The following CIB3 variants were observed in gnomAD, a reference collection of about 807,000 sequenced individuals.
CIB3 encodes calcium and integrin binding family member 3, also known as calcium and integrin-binding family member 3.
CIB3 carries 22 observed loss-of-function variants against 23.4 expected under a neutral mutation model. The ratio of observed to expected loss-of-function variants is 0.94; its 90% confidence interval spans 0.67 to 1.34. CIB3 has a LOEUF of 1.34. Ranked by LOEUF, CIB3 falls within the 40% of genes most tolerant of loss-of-function variation. The pLI, the probability that CIB3 is intolerant of heterozygous loss-of-function variation, is 0.00. For synonymous variants in CIB3, 93 were observed against 95.8 expected (o/e 0.97, Z 0.17); for missense variants, 258 against 247.3 (o/e 1.04, Z -0.29).
At chr19:16,169,560 ACC>A (rs1227936901) in intron 3 of CIB3, 68 bp downstream of exon 3, 2 of 1,350,934 alleles carry the variant, frequency 1.5e-6, no homozygotes, top group African/African-American at 2.9e-5. Flanking sequence ...TGCAGCACTG[ACC>A]TCAGAGGAAT....
chr19:16,167,428 AG>A, intron 4 of CIB3, among the ~76,000 whole-genome samples: 1 of 152,196 alleles, frequency 6.6e-6, no homozygotes, highest in Non-Finnish European at 1.5e-5. Context: ...GAACAGGTCA[AG>A]GAACAAGAAA....
chr19:16,164,917 C>T lies in CIB3; in HGVS notation c.347-4G>A, dbSNP rs763004248. ...ATGTAGTCGTCGTTGTTAAAATCTG[C>T]AGAGCAGGATGGATGGGGAGTGACA... On this transcript the variant is annotated splice_region_variant and splice_polypyrimidine_tract_variant and intron_variant, in intron 4 of 5. Transcript: ENST00000269878. 6.2e-7 allele frequency: 1 copy of T among 1,613,720 alleles called. No homozygotes were observed.
At chr19:16,170,843 A>G (rs936060666) in intron 2 of CIB3, among the ~76,000 whole-genome samples, 13 of 150,194 alleles carry the variant, frequency 8.7e-5, no homozygotes, top group Non-Finnish European at 1.8e-4. Flanking sequence ...AAGAAAAGAA[A>G]AAAGAAAGAA....
chr19:16,173,190 T>A lies in CIB3; in HGVS notation c.58A>T (p.Thr20Ser), dbSNP rs750971430. ...ATGATCTCCTTCCTTGTGAAAAATG[T>A]GCAGTCCTGTGGAGAGAGGTGTTGT... ...HEQLEAYQDC[T>S]FFTRKEIMRL... The change falls in exon 2 of 6, where the codon ACA becomes TCA. Residue 20 changes from threonine (T) to serine (S), a missense_variant. By Grantham distance (58) the Thr-to-Ser change is moderately conservative. Coordinates refer to ENST00000269878, the MANE Select transcript of CIB3 (RefSeq NM_054113.4). The A allele has an allele frequency of 6.2e-7, 1 of 1,614,018 alleles. No individual in the cohort carries two copies. The highest frequency in any genetic ancestry group is 1.1e-5 in the South Asian group (1 of 91,074).
chr19:16,166,808 G>T (rs941432076), intron 4 of CIB3, among the ~76,000 whole-genome samples: 1 of 152,172 alleles, frequency 6.6e-6, no homozygotes, highest in East Asian at 1.9e-4. Context: ...GGCAGGGCAC[G>T]GTGGCTCATG....
rs979506321 is a variant in CIB3 at position 16,164,833 on chromosome 19, C to G, written c.427G>C (p.Glu143Gln). The change falls in exon 5 of 6, where the codon GAG (glutamate) becomes CAG (glutamine). Residue 143 changes from glutamate to glutamine, a missense_variant. By Grantham distance (29) the Glu-to-Gln change is conservative. Transcript: ENST00000269878. ...TTCTCACATACCAGGCTCACCTCCTCGGCACTCAGCCCCCCCCGCGTCAGT... is the reference window on the plus strand; with the variant it reads ...TTCTCACATACCAGGCTCACCTCCTGGGCACTCAGCCCCCCCCGCGTCAGT... ...TKLTRGGLSA[E>Q]EVSLVCEKVL... The G allele has an allele frequency of 3.1e-6, 5 of 1,613,830 alleles. No homozygotes were observed. Among genetic ancestry groups the G allele is most frequent in the Non-Finnish European group, 4.2e-6 (5 of 1,179,992 alleles).
In CIB3 at chr19:16,164,906, G is replaced by C; in HGVS notation, c.354C>G (p.Asn118Lys). 6.2e-7 allele frequency: 1 copy of C among 1,614,004 alleles called. No homozygotes were observed. The highest frequency in any genetic ancestry group is 8.5e-7 in the Non-Finnish European group (1 of 1,179,938). ...CCCACGCACAAATGTAGTCGTCGTTGTTAAAATCTGCAGAGCAGGATGGAT... is the reference window on the plus strand; with the variant it reads ...CCCACGCACAAATGTAGTCGTCGTTCTTAAAATCTGCAGAGCAGGATGGAT... ...AYYAFKIYDF[N>K]NDDYICAWDL... Residue 118 changes from asparagine to lysine, a missense_variant, in exon 5 of 6, where the codon AAC becomes AAG. Coordinates refer to ENST00000269878, the MANE Select transcript of CIB3 (RefSeq NM_054113.4).
intron 4 of CIB3, among the ~76,000 whole-genome samples, chr19:16,167,555 G>A (rs1352154026): frequency 2.0e-5 from 3 of 152,086 alleles, no homozygotes; most frequent in African/African-American, 7.2e-5. Flanking sequence ...AGGGGAGCTG[G>A]GTGCGGTGGC....
chr19:16,162,065 T>G (rs1003458268), intron 5 of CIB3, among the ~76,000 whole-genome samples: 2 of 151,914 alleles, frequency 1.3e-5, no homozygotes, highest in Non-Finnish European at 2.9e-5. Context: ...TTTGAGATGA[T>G]GGATATGCTA....
In CIB3 at chr19:16,168,244, T is replaced by G. The variant is rs1409969798; in HGVS notation, c.239A>C (p.Glu80Ala). 1 of 1,613,800 alleles carries G rather than the reference T, an allele frequency of 6.2e-7. No homozygotes were observed. Among genetic ancestry groups the G allele is most frequent in the Non-Finnish European group, 8.5e-7 (1 of 1,179,918 alleles). ...CAGGGTCATGTGGCCATCCCCATCC[T>G]CAGAGAATACCTGGGCAATCCTCTG... ...FRQRIAQVFS[E>A]DGDGHMTLDN... The change falls in exon 4 of 6, where the codon GAG becomes GCG. Residue 80 changes from glutamate to alanine, a missense_variant. Physicochemically the swap from Glu to Ala is moderately radical, Grantham distance 107. Coordinates refer to ENST00000269878, the MANE Select transcript of CIB3 (RefSeq NM_054113.4).
In CIB3 at chr19:16,161,433, C is replaced by A. The variant is rs1391237795; in HGVS notation, c.*32G>T. 6.2e-7 allele frequency: 1 copy of A among 1,613,330 alleles called. No individual in the cohort carries two copies. The highest frequency in any genetic ancestry group is 8.5e-7 in the Non-Finnish European group (1 of 1,179,314). On this transcript the variant is annotated 3_prime_UTR_variant, in exon 6 of 6. Transcript: ENST00000269878. Reference sequence around the variant, plus strand: ...CCACAGCGGGTGAGGGGTCACCCCGCCCTCCTATAGCTCGGCTCCTCTGTG... The same window carrying A: ...CCACAGCGGGTGAGGGGTCACCCCGACCTCCTATAGCTCGGCTCCTCTGTG...
chr19:16,169,310 A>C (rs1374494718), intron 3 of CIB3, among the ~76,000 whole-genome samples: 3 of 151,870 alleles, frequency 2.0e-5, no homozygotes, highest in African/African-American at 7.3e-5. Flanking sequence ...CGCCCAGCTA[A>C]TTTTTGTATT....
At chr19:16,163,013 C>T (rs932204947) in intron 5 of CIB3, among the ~76,000 whole-genome samples, 1 of 151,348 alleles carries the variant, frequency 6.6e-6, no homozygotes, top group South Asian at 2.1e-4. Context: ...CCTCAGCCTC[C>T]CGAGTAGCTG....
intron 5 of CIB3, among the ~76,000 whole-genome samples, chr19:16,163,388 C>G (rs956663537): frequency 1.3e-5 from 2 of 152,036 alleles, no homozygotes; most frequent in African/African-American, 4.8e-5. Context: ...AACCCTGTCT[C>G]TACTAAAAAT....
chr19:16,172,091 A>C (rs2091330598), intron 2 of CIB3, among the ~76,000 whole-genome samples: 2 of 152,224 alleles, frequency 1.3e-5, no homozygotes, highest in African/African-American at 4.8e-5. Flanking sequence ...CACAACCCAG[A>C]CTGGGCTCTG....
intron 2 of CIB3, among the ~76,000 whole-genome samples, chr19:16,172,905 T>C (rs981386751): frequency 2.0e-5 from 3 of 149,354 alleles, no homozygotes; most frequent in Admixed American, 6.7e-5. Flanking sequence ...TGAGCCATGA[T>C]TGCACCACTG....
chr19:16,164,893 T>G lies in CIB3; in HGVS notation c.367A>C (p.Ile123Leu), dbSNP rs1463893871. The G allele has an allele frequency of 9.3e-6, 15 of 1,613,852 alleles. No individual in the cohort carries two copies. Among genetic ancestry groups the G allele is most frequent in the Non-Finnish European group, 1.3e-5 (15 of 1,179,980 alleles). The change falls in exon 5 of 6, where the codon ATT becomes CTT. Residue 123 changes from isoleucine (I) to leucine (L), a missense_variant. By Grantham distance (5) the Ile-to-Leu change is conservative. Transcript: ENST00000269878. ...KIYDFNNDDY[I>L]CAWDLEQTVT... The stretch of plus-strand genomic sequence containing the variant: ...GTCTGCTCCAGGTCCCACGCACAAA[T>G]GTAGTCGTCGTTGTTAAAATCTGCA...
Position 16,169,694 on chromosome 19 carries a change from T to C in CIB3, c.134A>G (p.Asp45Gly). ...CTTCACATCGGGGCAGGTGGTATAG[T>C]CGAGGGGCACGAGCTGTGGGGCCAG... is the stretch of plus-strand genomic sequence containing the variant. ...QDLAPQLVPL[D>G]YTTCPDVKVP... Residue 45 changes from aspartate (D) to glycine (G), a missense_variant, in exon 3 of 6, where the codon GAC (aspartate) becomes GGC (glycine). Transcript: ENST00000269878. 6.2e-7 allele frequency: 1 copy of C among 1,613,616 alleles called. No individual in the cohort carries two copies. The highest frequency in any genetic ancestry group is 2.2e-5 in the East Asian group (1 of 44,872).
intron 3 of CIB3, 119 bp downstream of exon 3, chr19:16,169,507 CCTCT>C: frequency 1.1e-6 from 1 of 877,470 alleles, no homozygotes; most frequent in African/African-American, 1.7e-5. Context: ...AGTGTCTTAA[CCTCT>C]CTGAGTCTCA....
Sources: allele counts gnomAD v4.1 joint callset (sites outside exome capture counted in the v4.1 genomes callset), GRCh38; gene constraint gnomAD v4.1.1; transcripts MANE v1.5; gene names NCBI Gene and HGNC (gene_info 2026-07-23, HGNC 2026-07-21).